The following CHODL variants were observed in gnomAD, a reference collection of about 807,000 sequenced individuals.
The protein encoded by CHODL is chondrolectin.
In CHODL, 29 loss-of-function variants were observed where a neutral mutation model predicts 34.5. The ratio of observed to expected loss-of-function variants is 0.84; its 90% confidence interval spans 0.63 to 1.15. The LOEUF (loss-of-function observed/expected upper bound fraction) is 1.15, where lower values mean the gene tolerates loss of function less well. Ranked by LOEUF, CHODL falls within the 50% of genes most tolerant of loss-of-function variation. CHODL has a pLI of 0.00. For synonymous variants in CHODL, 125 were observed against 116.1 expected, an observed-to-expected ratio of 1.08 and a Z score of -0.49; for missense variants, 332 against 332.5, an observed-to-expected ratio of 1.00 and a Z score of 0.01.
chr21:18,214,615 A>AC (rs2073805965), intron 2 of CHODL, among the ~76,000 whole-genome samples: 1 of 152,154 alleles, frequency 6.6e-6, no homozygotes, highest in African/African-American at 2.4e-5. Context: ...TGAATATGTA[A>AC]AATAATTTTA....
intron 2 of CHODL, among the ~76,000 whole-genome samples, chr21:18,225,601 A>G (rs2073924065): frequency 1.3e-5 from 2 of 152,182 alleles, no homozygotes; most frequent in African/African-American, 4.8e-5. Flanking sequence ...GTGAACTTTT[A>G]AGAAAGACAA....
At chr21:18,068,010 C>T (rs2064751680) in intron 2 of CHODL, among the ~76,000 whole-genome samples, 1 of 152,032 alleles carries the variant, frequency 6.6e-6, no homozygotes, top group African/African-American at 2.4e-5. Flanking sequence ...CCATCTTTCT[C>T]TTTTCATCTA....
chr21:18,058,109 C>A (rs2064607371), intron 2 of CHODL, among the ~76,000 whole-genome samples: 2 of 152,086 alleles, frequency 1.3e-5, no homozygotes, highest in African/African-American at 4.8e-5. Flanking sequence ...CATTACCCAA[C>A]TTCTCATTTT....
chr21:18,234,392 C>A (rs867231508), intron 2 of CHODL, among the ~76,000 whole-genome samples: 72 of 152,154 alleles, frequency 4.7e-4, no homozygotes, highest in Admixed American at 1.2e-3. Context: ...CAAAATGGCA[C>A]AGCTGGCGTT....
intron 2 of CHODL, among the ~76,000 whole-genome samples, chr21:18,045,010 G>A (rs958096786): frequency 1.3e-5 from 2 of 151,858 alleles, no homozygotes; most frequent in Admixed American, 1.3e-4. Flanking sequence ...ACATAAAAAG[G>A]GCAAACTTCC....
intron 2 of CHODL, among the ~76,000 whole-genome samples, chr21:18,104,191 T>C (rs771536204): frequency 1.3e-5 from 2 of 152,208 alleles, no homozygotes; most frequent in African/African-American, 2.4e-5. Flanking sequence ...ATGCATGGTA[T>C]GGTTAGGCTT....
chr21:18,021,801 A>C (rs879613960), intron 1 of CHODL, among the ~76,000 whole-genome samples: 78 of 342 alleles, frequency 0.23, no homozygotes, highest in Non-Finnish European at 0.3. Context: ...AGAATGTATG[A>C]TATTGGAGGA....
chr21:18,168,700 T>C (rs1170065407), intron 2 of CHODL, among the ~76,000 whole-genome samples: 1 of 152,208 alleles, frequency 6.6e-6, no homozygotes, highest in Non-Finnish European at 1.5e-5. Flanking sequence ...GCTTTGCAAA[T>C]ATTTTTTTCC....
intron 1 of CHODL, among the ~76,000 whole-genome samples, chr21:17,965,566 T>G (rs1420477561): frequency 1.3e-5 from 2 of 152,172 alleles, no homozygotes; most frequent in African/African-American, 4.8e-5. Flanking sequence ...AAATTGCTAC[T>G]TCCGTGGGCT....
chr21:17,996,519 A>G (rs2063850856), intron 1 of CHODL, among the ~76,000 whole-genome samples: 1 of 152,184 alleles, frequency 6.6e-6, no homozygotes, highest in Non-Finnish European at 1.5e-5. Flanking sequence ...AAGATGGAAA[A>G]CAGTCTGCTA....
Position 18,060,704 on chromosome 21 carries a change from C to T in CHODL, c.-45+32733C>T, listed in dbSNP as rs563491921. On this transcript the variant is annotated intron_variant, in intron 2 of 6. Coordinates refer to the CHODL transcript ENST00000400127. Reference sequence around the variant, plus strand: ...CCATACAGTAGTAAATCTTACTCCTCGGACCAAAAAAAAAAAAAAGAAAGC... The same window carrying T: ...CCATACAGTAGTAAATCTTACTCCTTGGACCAAAAAAAAAAAAAAGAAAGC... 5.9e-3 allele frequency among the ~76,000 whole-genome samples: 339 copies of T among 57,386 alleles called. 2 individuals carry two copies. Among genetic ancestry groups the T allele is most frequent in the Non-Finnish European group, 9.6e-3 (216 of 22,410 alleles). The allele number at this position is 57,386 out of a possible 152,430, so 37.6% of individuals were successfully genotyped here. A position where few individuals can be genotyped will look rare whatever the true frequency, so the allele number is the denominator to read the frequency against.
intron 1 of CHODL, among the ~76,000 whole-genome samples, chr21:18,249,091 AT>A (rs2074201744): frequency 2.7e-5 from 3 of 111,984 alleles, no homozygotes; most frequent in African/African-American, 1.4e-4. Context: ...ATATAATAAA[AT>A]ATATATATAT....
At chr21:18,149,633 T>C (rs2824660) in intron 2 of CHODL, among the ~76,000 whole-genome samples, 91,260 of 152,092 alleles carry the variant, frequency 0.6, 29,860 homozygotes, top group Non-Finnish European at 0.75. Context: ...TCAATGATAA[T>C]ATCAAATTAA....
intron 2 of CHODL, among the ~76,000 whole-genome samples, chr21:18,028,282 CCTTCCTTCCT>C (rs2064205078): frequency 5.8e-5 from 6 of 102,906 alleles, no homozygotes; most frequent in African/African-American, 2.1e-4. Flanking sequence ...TTTTCCCCTT[CCTTCCTTCCT>C]TCCTTCCTTC....
chr21:18,023,040 A>G (rs1222231967), intron 1 of CHODL, among the ~76,000 whole-genome samples: 1 of 152,218 alleles, frequency 6.6e-6, no homozygotes, highest in East Asian at 1.9e-4. Flanking sequence ...TTTCATAGGA[A>G]TGATCTCATA....
At chr21:18,136,328 T>C (rs1446738194) in intron 2 of CHODL, among the ~76,000 whole-genome samples, 3 of 152,104 alleles carry the variant, frequency 2.0e-5, no homozygotes, top group African/African-American at 7.2e-5. Context: ...TTCCTTTGAT[T>C]TTCTGGGCAG....
chr21:18,078,540 A>G (rs1207457557), intron 2 of CHODL, among the ~76,000 whole-genome samples: 2 of 152,200 alleles, frequency 1.3e-5, no homozygotes, highest in Non-Finnish European at 2.9e-5. Flanking sequence ...GTTAACAGAT[A>G]TTATTGCAGA....
chr21:17,995,120 C>T (rs900242884), intron 1 of CHODL, among the ~76,000 whole-genome samples: 2 of 152,056 alleles, frequency 1.3e-5, no homozygotes, highest in African/African-American at 2.4e-5. Context: ...GGGATGTCAC[C>T]AAAGCTCCCA....
intron 2 of CHODL, among the ~76,000 whole-genome samples, chr21:18,082,487 C>G (rs158612): frequency 0.41 from 61,843 of 151,884 alleles, 13,780 homozygotes; most frequent in Non-Finnish European, 0.51. Context: ...GTAGAGGTTG[C>G]AAGAGTTTAG....
Sources: allele counts gnomAD v4.1 joint callset (sites outside exome capture counted in the v4.1 genomes callset), GRCh38; gene constraint gnomAD v4.1.1; transcripts MANE v1.5; gene names NCBI Gene and HGNC (gene_info 2026-07-23, HGNC 2026-07-21).